Variants in FIP1L1 observed in about 807,000 individuals in gnomAD.
FIP1L1 encodes the protein pre-mRNA 3'-end-processing factor FIP1.
In FIP1L1, 21 loss-of-function variants were observed where a neutral mutation model predicts 84.6. That is an observed-to-expected ratio of 0.25 (90% CI 0.18 to 0.36). The LOEUF (loss-of-function observed/expected upper bound fraction) is 0.36, where lower values mean the gene tolerates loss of function less well. FIP1L1 is among the 10% of genes least tolerant of loss of function. FIP1L1 has a pLI of 1.00. For synonymous variants in FIP1L1, 263 were observed against 242.3 expected (o/e 1.09, Z -0.80); for missense variants, 526 against 751.1 (o/e 0.70, Z 3.50).
intron 15 of FIP1L1, among the ~76,000 whole-genome samples, chr4:53,449,549 T>C (rs1775549237): frequency 6.6e-6 from 1 of 152,200 alleles, no homozygotes; most frequent in African/African-American, 2.4e-5. Context: ...CATCTAAGTT[T>C]ATATGTATAA....
chr4:53,437,806 A>G (rs1172065418), intron 13 of FIP1L1, among the ~76,000 whole-genome samples: 2 of 151,630 alleles, frequency 1.3e-5, no homozygotes, highest in Non-Finnish European at 2.9e-5. Context: ...GCTCACTGCA[A>G]CCTCCGCCTC....
chr4:53,443,537 C>G (rs1772909696), intron 14 of FIP1L1, among the ~76,000 whole-genome samples: 2 of 152,198 alleles, frequency 1.3e-5, no homozygotes, highest in South Asian at 2.1e-4. Flanking sequence ...TCAGTAGCAT[C>G]AAACCCTGCA....
intron 10 of FIP1L1, among the ~76,000 whole-genome samples, chr4:53,408,199 A>G (rs989127571): frequency 6.6e-6 from 1 of 152,142 alleles, no homozygotes; most frequent in African/African-American, 2.4e-5. Flanking sequence ...GGTGGTGACA[A>G]AATCTCTCAG....
intron 11 of FIP1L1, among the ~76,000 whole-genome samples, chr4:53,423,736 A>AG (rs1763286229): frequency 6.6e-6 from 1 of 152,196 alleles, no homozygotes; most frequent in Non-Finnish European, 1.5e-5. Flanking sequence ...AACTCCCTTT[A>AG]GGGATATATA....
Position 53,459,535 on chromosome 4 carries a change from T to A in FIP1L1, c.*86T>A. The stretch of plus-strand genomic sequence containing the variant: ...TTTTCTGGATAATGTTTAAGAAATT[T>A]ACCTTAAATCTTGTTCTGTTTGTTA... On this transcript the variant is annotated 3_prime_UTR_variant, in exon 18 of 18. Coordinates refer to ENST00000337488, the MANE Select transcript of FIP1L1 (RefSeq NM_030917.4). The A allele has an allele frequency of 1.5e-5, 23 of 1,572,174 alleles. No individual in the cohort carries two copies. Among genetic ancestry groups the A allele is most frequent in the Non-Finnish European group, 2.0e-5 (23 of 1,146,716 alleles).
At chr4:53,437,177 A>G (rs758990815) in intron 13 of FIP1L1, among the ~76,000 whole-genome samples, 5 of 151,830 alleles carry the variant, frequency 3.3e-5, no homozygotes, top group Non-Finnish European at 7.4e-5. Flanking sequence ...AAATGCAAAA[A>G]ATTAGCTGAG....
In FIP1L1 at chr4:53,377,810, G is replaced by T. The variant is rs753886005; in HGVS notation, c.-29G>T. The stretch of plus-strand genomic sequence containing the variant: ...AAGGGGTTGGAGGGGGCTGTTGATC[G>T]CCGCGTTTAAGTTGCGCTCGGGGCG... On this transcript the variant is annotated 5_prime_UTR_variant, in exon 1 of 18. Coordinates refer to ENST00000337488, the MANE Select transcript of FIP1L1 (RefSeq NM_030917.4). 3 of 1,528,894 alleles carry T rather than the reference G, an allele frequency of 2.0e-6. No homozygotes were observed. Among genetic ancestry groups the T allele is most frequent in the South Asian group, 1.2e-5 (1 of 80,518 alleles). The allele number at this position is 1,528,894 out of a possible 1,614,324, so 94.7% of individuals were successfully genotyped here.
chr4:53,458,993 A>T (rs565701167), intron 17 of FIP1L1, among the ~76,000 whole-genome samples: 2 of 152,268 alleles, frequency 1.3e-5, no homozygotes, highest in Non-Finnish European at 2.9e-5. Flanking sequence ...AACCCTATAC[A>T]GTATTTCCGG....
At chr4:53,419,336 G>A (rs1026133529) in intron 11 of FIP1L1, among the ~76,000 whole-genome samples, 1 of 152,180 alleles carries the variant, frequency 6.6e-6, no homozygotes, top group African/African-American at 2.4e-5. Flanking sequence ...AAGAAGGGAA[G>A]GGGTTTGAAG....
Position 53,406,076 on chromosome 4 carries a change from T to C in FIP1L1, c.815+6237T>C, listed in dbSNP as rs572016264. Among the ~76,000 whole-genome samples, 511 of 152,230 alleles carry C rather than the reference T, an allele frequency of 3.4e-3. 8 individuals are homozygous for C. The highest frequency in any genetic ancestry group is 0.012 in the African/African-American group (496 of 41,540). ...TAGGAGTGGTGAGAGAGGGCATCCCTGTCTTGTGCCAGTTTTCAAAGGGAA... is the reference window on the plus strand; with the variant it reads ...TAGGAGTGGTGAGAGAGGGCATCCCCGTCTTGTGCCAGTTTTCAAAGGGAA... On this transcript the variant is annotated intron_variant, in intron 10 of 17. Transcript: ENST00000337488.
intron 10 of FIP1L1, among the ~76,000 whole-genome samples, chr4:53,408,257 T>C (rs1754923272): frequency 6.6e-6 from 1 of 152,208 alleles, no homozygotes; most frequent in Non-Finnish European, 1.5e-5. Context: ...CTTATGAAGC[T>C]TAATTTGGCT....
chr4:53,411,977 C>T (rs6816889), intron 10 of FIP1L1, among the ~76,000 whole-genome samples: 19,736 of 151,730 alleles, frequency 0.13, 2,551 homozygotes, highest in African/African-American at 0.32. Context: ...ACTGATAGAA[C>T]GTTTTTATTA....
intron 10 of FIP1L1, among the ~76,000 whole-genome samples, chr4:53,402,835 G>A (rs746340112): frequency 2.6e-5 from 4 of 152,178 alleles, no homozygotes; most frequent in Non-Finnish European, 4.4e-5. Flanking sequence ...GTAATATGAA[G>A]TAGAGAAGTT....
At chr4:53,380,988 T>C (rs1383457991) in intron 3 of FIP1L1, among the ~76,000 whole-genome samples, 2 of 152,206 alleles carry the variant, frequency 1.3e-5, no homozygotes, top group African/African-American at 2.4e-5. Context: ...ATACACAACT[T>C]GCTAAAATTT....
chr4:53,409,434 C>T lies in FIP1L1; in HGVS notation c.816-5181C>T, dbSNP rs185698893. 5.9e-3 allele frequency among the ~76,000 whole-genome samples: 899 copies of T among 152,282 alleles called. 8 individuals are homozygous for T. The highest frequency in any genetic ancestry group is 0.02 in the African/African-American group (832 of 41,556). On this transcript the variant is annotated intron_variant, in intron 10 of 17. Coordinates refer to ENST00000337488, the MANE Select transcript of FIP1L1 (RefSeq NM_030917.4). ...GGGGGTGTCTCCCACTTAGACTGCT[C>T]GGGGGTCAAGGGTCAGGGACCCACT...
At chr4:53,381,753 C>CTTTTTTATTTTTTTT (rs1738056400) in intron 3 of FIP1L1, among the ~76,000 whole-genome samples, 1 of 87,948 alleles carries the variant, frequency 1.1e-5, no homozygotes, top group African/African-American at 5.6e-5. Flanking sequence ...CATTTGCATT[C>CTTTTTTATTTTTTTT]TTTTTTTTTT....
At chr4:53,386,540 G>A (rs1578152225) in intron 5 of FIP1L1, among the ~76,000 whole-genome samples, 2 of 152,214 alleles carry the variant, frequency 1.3e-5, no homozygotes, top group South Asian at 4.1e-4. Flanking sequence ...GGTTTGAGAG[G>A]AGAGTTGCTA....
chr4:53,410,361 G>T (rs1214226175), intron 10 of FIP1L1, among the ~76,000 whole-genome samples: 1 of 152,192 alleles, frequency 6.6e-6, no homozygotes, highest in Non-Finnish European at 1.5e-5. Flanking sequence ...TCGTGTAGTT[G>T]TAAGAGGATC....
At chr4:53,413,387 G>C (rs1197099938) in intron 10 of FIP1L1, among the ~76,000 whole-genome samples, 2 of 151,998 alleles carry the variant, frequency 1.3e-5, no homozygotes, top group Non-Finnish European at 2.9e-5. Flanking sequence ...GAAAGAATTA[G>C]CATTTTCAAG....
Sources: gnomAD v4.1 joint callset for allele counts (sites outside exome capture counted in the v4.1 genomes callset) on GRCh38, gnomAD v4.1.1 for gene constraint, MANE v1.5 for transcripts, NCBI Gene and HGNC (gene_info 2026-07-23, HGNC 2026-07-21) for gene names.